PTGIS: variants seen among roughly 807,000 people sequenced by gnomAD.
The protein encoded by PTGIS is prostacyclin synthase.
Under a neutral mutation model 50.3 loss-of-function variants are expected in PTGIS, and 45 were observed. The ratio of observed to expected loss-of-function variants is 0.90; its 90% CI spans 0.70 to 1.15. PTGIS has a LOEUF of 1.15. Among genes scored for constraint, PTGIS ranks in the 50% most tolerant of loss-of-function variants. PTGIS has a pLI of 0.00. For missense variants in PTGIS, 668 were observed against 661.3 expected (o/e 1.01, Z -0.11); for synonymous variants, 260 against 267.7 (o/e 0.97, Z 0.28).
chr20:49,568,029 A>G lies in PTGIS; in HGVS notation c.74+14T>C. On this transcript the variant is annotated intron_variant, in intron 1 of 9. Transcript: ENST00000244043. ...CCCTTTGTCTGGCGGGGCCGAGCGGAGCAGGACACTCACCGCGTGCGGCGG... is the reference window on the plus strand; with the variant it reads ...CCCTTTGTCTGGCGGGGCCGAGCGGGGCAGGACACTCACCGCGTGCGGCGG... The G allele has an allele frequency of 1.3e-6, 2 of 1,483,986 alleles. No individual in the cohort carries two copies. Among genetic ancestry groups the G allele is most frequent in the Admixed American group, 2.2e-5 (1 of 44,592 alleles). 91.9% of individuals were successfully genotyped at this position (1,483,986 alleles called of 1,614,324 possible).
intron 1 of PTGIS, among the ~76,000 whole-genome samples, chr20:49,557,563 GAA>G (rs35107943): frequency 1.5e-4 from 22 of 148,582 alleles, no homozygotes; most frequent in East Asian, 7.9e-4. Flanking sequence ...AGAAAGAAAA[GAA>G]AAAAAAAAAG....
rs780622199 is a variant in PTGIS at position 49,547,823 on chromosome 20, C to T, written c.377+18G>A. On this transcript the variant is annotated intron_variant, in intron 3 of 9. Transcript: ENST00000244043. ...GCCCACCCTGGCCCTCCCACAGGTGCCATCTCCAGCCACTCACAGTTTCAT... is the reference window on the plus strand; with the variant it reads ...GCCCACCCTGGCCCTCCCACAGGTGTCATCTCCAGCCACTCACAGTTTCAT... The T allele has an allele frequency of 3.1e-6, 5 of 1,613,784 alleles. No individual in the cohort carries two copies. The highest frequency in any genetic ancestry group is 1.1e-5 in the South Asian group (1 of 91,074).
At chr20:49,537,545 A>C (rs897835633) in intron 5 of PTGIS, among the ~76,000 whole-genome samples, 1 of 152,166 alleles carries the variant, frequency 6.6e-6, no homozygotes, top group African/African-American at 2.4e-5. Context: ...TCCTGAGGTC[A>C]GGAGTTTAAG....
chr20:49,542,036 G>A (rs980276884), intron 4 of PTGIS, among the ~76,000 whole-genome samples: 2 of 152,188 alleles, frequency 1.3e-5, no homozygotes, highest in Non-Finnish European at 2.9e-5. Context: ...TGGGGTGGGA[G>A]CCACGCAGAC....
At chr20:49,529,300 T>G (rs1981873835) in intron 5 of PTGIS, among the ~76,000 whole-genome samples, 1 of 152,150 alleles carries the variant, frequency 6.6e-6, no homozygotes, top group South Asian at 2.1e-4. Flanking sequence ...TAACCACTGT[T>G]CTACTGTTCC....
Position 49,550,138 on chromosome 20 carries a change from A to T in PTGIS, c.126T>A (p.Tyr42Ter), listed in dbSNP as rs1982469102. 2 of 1,614,036 alleles carry T rather than the reference A, an allele frequency of 1.2e-6. No individual in the cohort carries two copies. Among genetic ancestry groups the T allele is most frequent in the South Asian group, 1.1e-5 (1 of 91,084 alleles). The change falls in exon 2 of 10, where the codon TAT becomes TAA. Residue 42 changes from tyrosine (Y) to a stop codon, truncating the protein, a stop_gained. Transcript: ENST00000244043. LOFTEE classifies it high-confidence loss of function. ...CAGCATCTTTTCCAAAGTCCAAGGCATACCCCAACCAGGGGATGCTGCCCA... is the reference window on the plus strand; with the variant it reads ...CAGCATCTTTTCCAAAGTCCAAGGCTTACCCCAACCAGGGGATGCTGCCCA... ...LDLGSIPWLG[Y>*]ALDFGKDAAS...
chr20:49,514,931 TTG>T (rs1325805615), intron 6 of PTGIS, among the ~76,000 whole-genome samples: 1 of 152,212 alleles, frequency 6.6e-6, no homozygotes, highest in Non-Finnish European at 1.5e-5. Context: ...GCGAGAGACT[TTG>T]TGTTTCCACT....
At chr20:49,521,680 A>T (rs1369288981) in intron 6 of PTGIS, among the ~76,000 whole-genome samples, 1 of 152,208 alleles carries the variant, frequency 6.6e-6, no homozygotes, top group East Asian at 1.9e-4. Flanking sequence ...AGGACAGTTA[A>T]TGGCTCTGAG....
chr20:49,555,820 TATAGA>T (rs1982612400), intron 1 of PTGIS, among the ~76,000 whole-genome samples: 1 of 152,248 alleles, frequency 6.6e-6, no homozygotes, highest in African/African-American at 2.4e-5. Flanking sequence ...TATAATCAGC[TATAGA>T]ACTCTGAGGA....
chr20:49,545,618 G>A (rs911964491), intron 3 of PTGIS, among the ~76,000 whole-genome samples: 1 of 152,170 alleles, frequency 6.6e-6, no homozygotes, highest in Non-Finnish European at 1.5e-5. Context: ...ACTGAGCCAT[G>A]ACTGAGGATA....
chr20:49,533,383 G>A (rs1416447061), intron 5 of PTGIS, among the ~76,000 whole-genome samples: 1 of 152,074 alleles, frequency 6.6e-6, no homozygotes, highest in East Asian at 1.9e-4. Context: ...CCAGACAGAA[G>A]CACTATGCTT....
At chr20:49,523,161 A>G (rs1981697537) in intron 6 of PTGIS, among the ~76,000 whole-genome samples, 1 of 152,224 alleles carries the variant, frequency 6.6e-6, no homozygotes, top group Non-Finnish European at 1.5e-5. Flanking sequence ...TGGAATACAG[A>G]TTGTTTATTA....
intron 6 of PTGIS, among the ~76,000 whole-genome samples, chr20:49,523,279 G>T (rs1223156005): frequency 6.6e-6 from 1 of 152,082 alleles, no homozygotes; most frequent in Non-Finnish European, 1.5e-5. Context: ...AAAAAAGCAT[G>T]ATATCTGCAA....
chr20:49,561,559 G>C (rs1172973814), intron 1 of PTGIS, among the ~76,000 whole-genome samples: 1 of 152,184 alleles, frequency 6.6e-6, no homozygotes, highest in African/African-American at 2.4e-5. Context: ...TCCAGCCCAG[G>C]TCAGAGCCTG....
intron 4 of PTGIS, among the ~76,000 whole-genome samples, chr20:49,543,933 C>T (rs1191815823): frequency 6.6e-6 from 1 of 152,224 alleles, no homozygotes; most frequent in Non-Finnish European, 1.5e-5. Context: ...TTTTAACATA[C>T]ATTTACAAGA....
chr20:49,548,897 T>C (rs1982436648), intron 2 of PTGIS, among the ~76,000 whole-genome samples: 1 of 152,146 alleles, frequency 6.6e-6, no homozygotes, highest in Non-Finnish European at 1.5e-5. Flanking sequence ...TACCAATAAA[T>C]GTTGGGTACA....
At chr20:49,524,450 A>G (rs1981742313) in intron 5 of PTGIS, among the ~76,000 whole-genome samples, 1 of 152,150 alleles carries the variant, frequency 6.6e-6, no homozygotes, top group Non-Finnish European at 1.5e-5. Flanking sequence ...CCCCCAGTAA[A>G]AAGAAGCAAG....
chr20:49,551,514 A>G (rs78849892), intron 1 of PTGIS, among the ~76,000 whole-genome samples: 3 of 152,222 alleles, frequency 2.0e-5, no homozygotes, highest in East Asian at 3.9e-4. Context: ...CCCCCACATC[A>G]AGTTGTCCTG....
intron 5 of PTGIS, among the ~76,000 whole-genome samples, chr20:49,534,899 G>C (rs1443748055): frequency 6.6e-6 from 1 of 152,154 alleles, no homozygotes; most frequent in Non-Finnish European, 1.5e-5. Flanking sequence ...CCAGCTACTT[G>C]GGAGGCTGAG....
Sources: allele counts gnomAD v4.1 joint callset (sites outside exome capture counted in the v4.1 genomes callset), GRCh38; gene constraint gnomAD v4.1.1; transcripts MANE v1.5; gene names NCBI Gene and HGNC (gene_info 2026-07-23, HGNC 2026-07-21).